GLRA3: variants seen among roughly 807,000 people sequenced by gnomAD.
GLRA3 encodes the protein glycine receptor subunit alpha-3.
In GLRA3, 44 loss-of-function variants were observed where a neutral mutation model predicts 60.4. The ratio of observed to expected loss-of-function variants is 0.73; its 90% confidence interval spans 0.57 to 0.94. The LOEUF (loss-of-function observed/expected upper bound fraction) is 0.94, where lower values mean the gene tolerates loss of function less well. Among genes scored for constraint, GLRA3 ranks in the 40% least tolerant of loss-of-function variants. The pLI, the probability that GLRA3 is intolerant of heterozygous loss-of-function variation, is 0.00. For synonymous variants in GLRA3, 223 were observed against 192.9 expected (o/e 1.16, Z -1.29); for missense variants, 508 against 564.6 (o/e 0.90, Z 1.02).
At chr4:174,651,756 T>A (rs1309715347) in intron 9 of GLRA3, among the ~76,000 whole-genome samples, 1 of 152,162 alleles carries the variant, frequency 6.6e-6, no homozygotes, top group Non-Finnish European at 1.5e-5. Flanking sequence ...GGTTTTGCCA[T>A]GTGACTGCTA....
rs913466685 is a variant in GLRA3, at chr4:174,638,526, C to T, written c.*5260G>A. 6.6e-6 allele frequency: 1 copy of T among 152,176 alleles called. No individual in the cohort carries two copies. The highest frequency in any genetic ancestry group is 6.6e-5 in the Admixed American group (1 of 15,256). 9.4% of individuals were successfully genotyped at this position (152,176 alleles called of 1,614,324 possible). On this transcript the variant is annotated 3_prime_UTR_variant, in exon 10 of 10. Transcript: ENST00000274093. Reference sequence around the variant, plus strand: ...GCCAGGCTGGTGTCTTAACTCCTGACCTCAAGTGATTTGACTGCCTCGGCC... The same window carrying T: ...GCCAGGCTGGTGTCTTAACTCCTGATCTCAAGTGATTTGACTGCCTCGGCC...
In GLRA3 at chr4:174,637,269, G is replaced by A. The variant is rs1195945117; in HGVS notation, c.*6517C>T. The A allele has an allele frequency of 6.6e-6, 1 of 151,938 alleles. No individual in the cohort carries two copies. Among genetic ancestry groups the A allele is most frequent in the Non-Finnish European group, 1.5e-5 (1 of 68,006 alleles). 9.4% of individuals were successfully genotyped at this position (151,938 alleles called of 1,614,324 possible). A position where few individuals can be genotyped will look rare whatever the true frequency, so the allele number is the denominator to read the frequency against. On this transcript the variant is annotated 3_prime_UTR_variant, in exon 10 of 10. Coordinates refer to ENST00000274093, the MANE Select transcript of GLRA3 (RefSeq NM_006529.4). ...TTGACTCACTAATAATGAAGTCACT[G>A]TATATCATATAAAGATGGTACATGG...
intron 3 of GLRA3, among the ~76,000 whole-genome samples, chr4:174,757,980 A>G (rs1381625639): frequency 6.7e-6 from 1 of 149,528 alleles, no homozygotes; most frequent in Non-Finnish European, 1.5e-5. Flanking sequence ...AAGTTCCCGC[A>G]AGAACTGCTT....
chr4:174,826,752 T>G (rs943522080), intron 1 of GLRA3, among the ~76,000 whole-genome samples: 3 of 152,136 alleles, frequency 2.0e-5, no homozygotes, highest in Non-Finnish European at 4.4e-5. Context: ...AATACTTTCT[T>G]TTGTTTTCAT....
chr4:174,648,404 C>T (rs193226013), intron 9 of GLRA3, among the ~76,000 whole-genome samples: 11 of 152,260 alleles, frequency 7.2e-5, no homozygotes, highest in East Asian at 1.9e-4. Context: ...GTAGAGGTTG[C>T]AGTGAGCCAA....
rs1431943893 is a variant in GLRA3 at position 174,828,765 on chromosome 4, A to C, written c.47T>G (p.Phe16Cys). The C allele has an allele frequency of 6.2e-7, 1 of 1,611,688 alleles. No individual in the cohort carries two copies. Among genetic ancestry groups the C allele is most frequent in the Non-Finnish European group, 8.5e-7 (1 of 1,177,756 alleles). The change falls in exon 1 of 10, where the codon TTC becomes TGC. Residue 16 changes from phenylalanine (F) to cysteine (C), a missense_variant. Phe to Cys is a radical substitution (Grantham distance 205, BLOSUM62 -2). Transcript: ENST00000274093. ...HFRTLVSGFY[F>C]WEAALLLSLV... is the part of the protein sequence containing the mutation. ...CCTGAGTAACAGTGCTGCTTCCCAG[A>C]AGTAAAATCCCGAAACTAATGTCCG...
intron 5 of GLRA3, among the ~76,000 whole-genome samples, chr4:174,692,174 A>C (rs1292450350): frequency 6.6e-6 from 1 of 150,696 alleles, no homozygotes; most frequent in Non-Finnish European, 1.5e-5. Flanking sequence ...CTGTCTGGGA[A>C]GTGAGGAGCG....
At chr4:174,728,806 T>G in intron 3 of GLRA3, 108 bp from the exon 4 acceptor site, 1 of 649,744 alleles carries the variant, frequency 1.5e-6, no homozygotes. Flanking sequence ...GTAGAAAATA[T>G]ACCCCTCTTG....
intron 3 of GLRA3, among the ~76,000 whole-genome samples, chr4:174,741,121 A>C (rs1018558300): frequency 6.6e-6 from 1 of 152,194 alleles, no homozygotes; most frequent in Non-Finnish European, 1.5e-5. Context: ...GGTCATATTA[A>C]GTGCATGTTT....
Position 174,753,150 on chromosome 4 carries a change from C to A in GLRA3, c.267+13813G>T, listed in dbSNP as rs188258930. On this transcript the variant is annotated intron_variant, in intron 3 of 9. Transcript: ENST00000274093. ...AGTAACAAGGAAGGCTTAACTCTTGCGTGCATCTGTTCTACTTGACAGGAC... is the reference window on the plus strand; with the variant it reads ...AGTAACAAGGAAGGCTTAACTCTTGAGTGCATCTGTTCTACTTGACAGGAC... 5.8e-3 allele frequency among the ~76,000 whole-genome samples: 882 copies of A among 152,264 alleles called. 5 individuals are homozygous for A. Among genetic ancestry groups the A allele is most frequent in the South Asian group, 0.014 (66 of 4,828 alleles).
chr4:174,698,314 G>C (rs765254408), intron 5 of GLRA3, among the ~76,000 whole-genome samples: 54 of 152,168 alleles, frequency 3.5e-4, no homozygotes, highest in Non-Finnish European at 2.8e-4. Flanking sequence ...AAGTAGCTGG[G>C]ACTACAGGCA....
intron 5 of GLRA3, among the ~76,000 whole-genome samples, chr4:174,687,964 A>G (rs1684457217): frequency 6.6e-6 from 1 of 152,062 alleles, no homozygotes; most frequent in Non-Finnish European, 1.5e-5. Flanking sequence ...TCTTTAAGAG[A>G]CTAAAAGTTT....
At chr4:174,798,235 T>G (rs1362223646) in intron 1 of GLRA3, among the ~76,000 whole-genome samples, 1 of 152,034 alleles carries the variant, frequency 6.6e-6, no homozygotes, top group East Asian at 1.9e-4. Flanking sequence ...CAGGGAAGGT[T>G]TAGGGTATGA....
chr4:174,757,081 T>C (rs1737747567), intron 3 of GLRA3, among the ~76,000 whole-genome samples: 2 of 152,156 alleles, frequency 1.3e-5, no homozygotes, highest in Admixed American at 1.3e-4. Flanking sequence ...GTAAGAGGGA[T>C]TGGAAAGGAA....
chr4:174,678,524 G>A (rs1030222747), intron 6 of GLRA3, among the ~76,000 whole-genome samples: 1 of 152,192 alleles, frequency 6.6e-6, no homozygotes, highest in Non-Finnish European at 1.5e-5. Flanking sequence ...TCAGTGCAAA[G>A]CTTCTATTCA....
At chr4:174,653,673 C>G (rs540968868) in intron 9 of GLRA3, among the ~76,000 whole-genome samples, 130 of 152,040 alleles carry the variant, frequency 8.6e-4, no homozygotes, top group Non-Finnish European at 1.6e-3. Flanking sequence ...ATCTATATAT[C>G]TATATCTAGC....
At chr4:174,684,600 G>T (rs1051904092) in intron 5 of GLRA3, among the ~76,000 whole-genome samples, 3 of 152,250 alleles carry the variant, frequency 2.0e-5, no homozygotes, top group Non-Finnish European at 1.5e-5. Context: ...AAGTGAATGA[G>T]ACCTGTGAGG....
chr4:174,724,905 A>T (rs750812533), intron 4 of GLRA3, among the ~76,000 whole-genome samples: 1 of 152,216 alleles, frequency 6.6e-6, no homozygotes, highest in African/African-American at 2.4e-5. Flanking sequence ...TTTTTCCTGC[A>T]TAAGATATCA....
At chr4:174,730,170 T>G (rs1183572952) in intron 3 of GLRA3, among the ~76,000 whole-genome samples, 5 of 152,170 alleles carry the variant, frequency 3.3e-5, no homozygotes, top group Non-Finnish European at 7.3e-5. Context: ...GCCACAAGGA[T>G]CTACAGAACC....
Sources: allele counts gnomAD v4.1 joint callset (sites outside exome capture counted in the v4.1 genomes callset), GRCh38; gene constraint gnomAD v4.1.1; transcripts MANE v1.5; gene names NCBI Gene and HGNC (gene_info 2026-07-23, HGNC 2026-07-21).